Variants in NKAIN3 observed in about 807,000 individuals in gnomAD.
NKAIN3 encodes sodium/potassium transporting ATPase interacting 3.
A neutral mutation model predicts 30.2 loss-of-function variants in NKAIN3; 25 were observed. The observed-to-expected ratio is 0.83, with a 90% confidence interval of 0.60 to 1.16. The LOEUF (loss-of-function observed/expected upper bound fraction) is 1.16. Among genes scored for constraint, NKAIN3 ranks in the 50% most tolerant of loss-of-function variants. NKAIN3 has a pLI of 0.00. For missense variants in NKAIN3, 225 were observed against 254.1 expected (o/e 0.89, Z 0.78); for synonymous variants, 91 against 89.6 (o/e 1.02, Z -0.09).
chr8:62,294,285 C>T (rs577770505), intron 1 of NKAIN3, among the ~76,000 whole-genome samples: 8 of 152,194 alleles, frequency 5.3e-5, no homozygotes, highest in South Asian at 2.1e-4. Context: ...AGAAATCACC[C>T]GTCTTCTGCA....
At chr8:62,874,098 TAAAG>T (rs1302092903) in intron 4 of NKAIN3, among the ~76,000 whole-genome samples, 1 of 151,256 alleles carries the variant, frequency 6.6e-6, no homozygotes, top group Non-Finnish European at 1.5e-5. Context: ...GCTAGACTAA[TAAAG>T]AAGAGAGAGA....
At chr8:62,365,223 T>C (rs1323201706) in intron 1 of NKAIN3, among the ~76,000 whole-genome samples, 1 of 152,190 alleles carries the variant, frequency 6.6e-6, no homozygotes, top group Non-Finnish European at 1.5e-5. Context: ...CAGAAAAGTA[T>C]AGAGCAAATA....
intron 1 of NKAIN3, among the ~76,000 whole-genome samples, chr8:62,424,721 A>G (rs1041262309): frequency 5.3e-5 from 8 of 151,936 alleles, no homozygotes; most frequent in Admixed American, 1.3e-4. Context: ...TGTAGCCACT[A>G]GTAAAACAGT....
chr8:62,751,719 A>G (rs6996757), intron 4 of NKAIN3, among the ~76,000 whole-genome samples: 29,576 of 152,080 alleles, frequency 0.19, 3,279 homozygotes, highest in African/African-American at 0.29. Context: ...ATGTGTGCAT[A>G]TATATACTAT....
At chr8:62,823,066 G>A (rs929272194) in intron 4 of NKAIN3, among the ~76,000 whole-genome samples, 2 of 152,164 alleles carry the variant, frequency 1.3e-5, no homozygotes, top group Admixed American at 6.5e-5. Flanking sequence ...GGAGCATGCA[G>A]GACTGGAAGT....
chr8:62,895,346 C>T (rs553600298), intron 4 of NKAIN3, among the ~76,000 whole-genome samples: 2 of 152,310 alleles, frequency 1.3e-5, no homozygotes, highest in South Asian at 2.1e-4. Flanking sequence ...ATAACAATTG[C>T]TTCCTGCACT....
At chr8:62,715,267 C>T (rs1331950738) in intron 3 of NKAIN3, among the ~76,000 whole-genome samples, 3 of 152,108 alleles carry the variant, frequency 2.0e-5, no homozygotes, top group African/African-American at 4.8e-5. Flanking sequence ...GGACATAAAT[C>T]GAAACCATAT....
At chr8:62,921,551 C>T (rs927736427) in intron 5 of NKAIN3, among the ~76,000 whole-genome samples, 4 of 152,134 alleles carry the variant, frequency 2.6e-5, no homozygotes, top group African/African-American at 9.7e-5. Flanking sequence ...CTTTTATTAA[C>T]TATTTCTTAT....
At position 62,248,961 on chromosome 8, in the gene NKAIN3, G is replaced by A. The variant is rs935615478; in HGVS notation, c.-113G>A. On this transcript the variant is annotated 5_prime_UTR_variant, in exon 1 of 7. Transcript: ENST00000623646. ...CCCTGGAGCCGCGAGCGGCGGCCGC[G>A]GGGCCGAGGAGCCTGGGCCGGGCCG... 2.1e-6 allele frequency: 2 copies of A among 965,880 alleles called. No homozygotes were observed. Among genetic ancestry groups the A allele is most frequent in the Non-Finnish European group, 3.0e-6 (2 of 677,446 alleles). The allele number at this position is 965,880 out of a possible 1,614,324, so 59.8% of individuals were successfully genotyped here. A position where few individuals can be genotyped will look rare whatever the true frequency, so the allele number is the denominator to read the frequency against.
chr8:62,586,089 G>T (rs901456310), intron 2 of NKAIN3, among the ~76,000 whole-genome samples: 1 of 152,104 alleles, frequency 6.6e-6, no homozygotes, highest in Admixed American at 6.6e-5. Context: ...TTTGTAAAGG[G>T]TCAAGTGAAT....
At chr8:62,261,760 C>A (rs1247752171) in intron 1 of NKAIN3, among the ~76,000 whole-genome samples, 1 of 152,158 alleles carries the variant, frequency 6.6e-6, no homozygotes, top group Non-Finnish European at 1.5e-5. Context: ...CATAAAATTT[C>A]TTTTCTAATT....
chr8:62,919,227 A>ATTTTTTTTTTTTTTTT lies in NKAIN3; in HGVS notation c.532+734_532+749dup, dbSNP rs71255371. Among the ~76,000 whole-genome samples, 5 of 47,188 alleles carry ATTTTTTTTTTTTTTTT rather than the reference A, an allele frequency of 1.1e-4. 1 individual carries two copies. Among genetic ancestry groups the ATTTTTTTTTTTTTTTT allele is most frequent in the African/African-American group, 1.8e-4 (2 of 11,068 alleles). 31.0% of individuals were successfully genotyped at this position (47,188 alleles called of 152,430 possible). A position where few individuals can be genotyped will look rare whatever the true frequency, so the allele number is the denominator to read the frequency against. On this transcript the variant is annotated intron_variant, in intron 5 of 6. Transcript: ENST00000623646. ...TCACTTTTTTTTATTTACTTTCAAA[A>ATTTTTTTTTTTTTTTT]TTTTTTTTTTTTTTTTTTTTTTTTT...
intron 1 of NKAIN3, among the ~76,000 whole-genome samples, chr8:62,405,022 C>T (rs1448929450): frequency 2.0e-5 from 3 of 152,134 alleles, no homozygotes; most frequent in Non-Finnish European, 4.4e-5. Flanking sequence ...AGGGTTTCCT[C>T]CCACCCTAGT....
intron 5 of NKAIN3, among the ~76,000 whole-genome samples, chr8:62,927,384 C>T (rs1043516773): frequency 6.6e-6 from 1 of 152,046 alleles, no homozygotes; most frequent in Non-Finnish European, 1.5e-5. Context: ...ACATATTTTG[C>T]CAATTAAAAA....
At chr8:62,612,880 CA>C in intron 3 of NKAIN3, among the ~76,000 whole-genome samples, 1 of 152,108 alleles carries the variant, frequency 6.6e-6, no homozygotes, top group South Asian at 2.1e-4. Context: ...AACAAGCAAG[CA>C]AAAAGAAAGC....
chr8:62,711,325 T>C (rs1814710885), intron 3 of NKAIN3, among the ~76,000 whole-genome samples: 1 of 152,204 alleles, frequency 6.6e-6, no homozygotes, highest in Admixed American at 6.5e-5. Context: ...TTCCCCCAAA[T>C]ATGTTTTCCA....
chr8:62,262,959 T>C (rs1309873411), intron 1 of NKAIN3, among the ~76,000 whole-genome samples: 1 of 152,148 alleles, frequency 6.6e-6, no homozygotes, highest in Admixed American at 6.6e-5. Flanking sequence ...CAGTTTTTCT[T>C]TCAACACAAC....
intron 3 of NKAIN3, among the ~76,000 whole-genome samples, chr8:62,619,242 G>A (rs554061803): frequency 1.8e-4 from 28 of 152,214 alleles, no homozygotes; most frequent in African/African-American, 6.7e-4. Flanking sequence ...CTTAAGAAGG[G>A]GCTGGCCTCT....
intron 6 of NKAIN3, among the ~76,000 whole-genome samples, chr8:62,961,792 A>G (rs1309059208): frequency 6.6e-6 from 1 of 152,236 alleles, no homozygotes. Context: ...GGAAAAGAGG[A>G]AAATGGAATA....
Sources: gnomAD v4.1 joint callset for allele counts (sites outside exome capture counted in the v4.1 genomes callset) on GRCh38, gnomAD v4.1.1 for gene constraint, MANE v1.5 for transcripts, NCBI Gene and HGNC (gene_info 2026-07-23, HGNC 2026-07-21) for gene names.